Variants in PCNX1 observed in about 807,000 individuals in gnomAD.
PCNX1 encodes the protein pecanex 1.
PCNX1 carries 78 observed loss-of-function variants against 242.2 expected under a neutral mutation model. That is an observed-to-expected ratio of 0.32 (90% CI 0.27 to 0.39). The LOEUF (loss-of-function observed/expected upper bound fraction) is 0.39. Among genes scored for constraint, PCNX1 ranks in the 10% least tolerant of loss-of-function variants. PCNX1 has a pLI of 1.00. For missense variants in PCNX1, 2,581 were observed against 2,856.5 expected (o/e 0.90, Z 2.20); for synonymous variants, 1,024 against 1,032.9 (o/e 0.99, Z 0.17).
chr14:71,077,795 G>A lies in PCNX1; in HGVS notation c.5337+1376G>A, dbSNP rs140739531. Among the ~76,000 whole-genome samples the A allele has an allele frequency of 9.0e-3, 1,371 of 152,000 alleles. 14 individuals are homozygous for A. The highest frequency in any genetic ancestry group is 9.4e-3 in the African/African-American group (389 of 41,440). ...AAATAAAATACACTTAAAATACTTC[G>A]CGTACTGTTCTCAAATCCTTGAACT... On this transcript the variant is annotated intron_variant, in intron 28 of 35. Transcript: ENST00000304743.
chr14:71,102,628 A>G (rs1232135399), intron 31 of PCNX1, among the ~76,000 whole-genome samples: 1 of 152,136 alleles, frequency 6.6e-6, no homozygotes, highest in African/African-American at 2.4e-5. Flanking sequence ...TGATGACCAT[A>G]TTACATTTGT....
chr14:71,000,526 A>ATTTT (rs3083305), intron 8 of PCNX1, among the ~76,000 whole-genome samples: 27 of 126,696 alleles, frequency 2.1e-4, no homozygotes, highest in African/African-American at 8.1e-4. Flanking sequence ...CTGTCCCTTG[A>ATTTT]TTTTTTTTTT....
At chr14:70,999,417 T>G (rs1358647174) in intron 8 of PCNX1, among the ~76,000 whole-genome samples, 1 of 152,198 alleles carries the variant, frequency 6.6e-6, no homozygotes, top group Admixed American at 6.5e-5. Context: ...TTTGTCTTTA[T>G]GTGAAAAATT....
Position 70,978,606 on chromosome 14 carries a change from G to A in PCNX1, c.2269G>A (p.Val757Ile), listed in dbSNP as rs1377711678. The change falls in exon 6 of 36, where the codon GTT becomes ATT. Residue 757 changes from valine (V) to isoleucine (I), a missense_variant. By Grantham distance (29) the Val-to-Ile change is conservative. This residue lies in a region of PCNX1 where 1,204 missense variants were observed against 1,216.7 expected (regional missense o/e 0.99). Coordinates refer to ENST00000304743, the MANE Select transcript of PCNX1 (RefSeq NM_014982.3). Reference sequence around the variant, plus strand: ...ATCTAGGAATAGCTTGCCAAACCAGGTTGCATTTCCTGAAGGGGAAGAGCA... The same window carrying A: ...ATCTAGGAATAGCTTGCCAAACCAGATTGCATTTCCTGAAGGGGAAGAGCA... Reference protein sequence around the residue: ...TRSRNSLPNQVAFPEGEEQDA... With the variant: ...TRSRNSLPNQIAFPEGEEQDA... 1 of 1,613,792 alleles carries A rather than the reference G, an allele frequency of 6.2e-7. No homozygotes were observed. The highest frequency in any genetic ancestry group is 1.7e-5 in the Admixed American group (1 of 59,988).
intron 1 of PCNX1, among the ~76,000 whole-genome samples, chr14:70,911,620 C>T (rs2055912781): frequency 6.6e-6 from 1 of 151,994 alleles, no homozygotes; most frequent in Admixed American, 6.5e-5. Flanking sequence ...GAATTAGTGT[C>T]TTGATTTTTG....
chr14:71,103,352 T>C (rs990908978), intron 31 of PCNX1, 43 bp from the exon 32 acceptor site: 1 of 1,596,542 alleles, frequency 6.3e-7, no homozygotes, highest in Non-Finnish European at 8.6e-7. Context: ...GTGAATTTTA[T>C]TCTTGGCCCC....
intron 1 of PCNX1, among the ~76,000 whole-genome samples, chr14:70,914,660 C>T (rs1193450432): frequency 6.6e-6 from 1 of 152,220 alleles, no homozygotes; most frequent in South Asian, 2.1e-4. Flanking sequence ...GAAAATTGTA[C>T]CCACCACCTG....
intron 8 of PCNX1, among the ~76,000 whole-genome samples, chr14:71,007,628 A>G (rs1460933271): frequency 6.6e-6 from 1 of 152,202 alleles, no homozygotes; most frequent in Non-Finnish European, 1.5e-5. Context: ...ATAATTCTGC[A>G]TTTATGTAAT....
In PCNX1 at chr14:71,028,726, T is replaced by G; in HGVS notation, c.3493T>G (p.Tyr1165Asp). The change falls in exon 16 of 36, where the codon TAC (tyrosine) becomes GAC (aspartate). Residue 1165 changes from tyrosine (Y) to aspartate (D), a missense_variant. Tyr to Asp is a radical substitution (Grantham distance 160). This residue lies in a region of PCNX1 where 432 missense variants were observed against 443.1 expected (regional missense o/e 0.97). Transcript: ENST00000304743. Reference protein sequence around the residue: ...NATTSLLAALYSFICSIVAVA... With the variant: ...NATTSLLAALDSFICSIVAVA... The stretch of plus-strand genomic sequence containing the variant: ...CACTACAAGCCTGCTTGCAGCACTT[T>G]ACAGTTTTATCTGTAGCATTGTTGC... 1 of 1,608,234 alleles carries G rather than the reference T, an allele frequency of 6.2e-7. No individual in the cohort carries two copies. The highest frequency in any genetic ancestry group is 8.5e-7 in the Non-Finnish European group (1 of 1,177,134).
rs2061519974 is a variant in PCNX1, at chr14:71,068,761, A to G, written c.4853-4784A>G. ...CATTTATATATTTTATATACATTAT[A>G]TATTATGTATACTTCTACACATACA... On this transcript the variant is annotated intron_variant, in intron 26 of 35. Coordinates refer to ENST00000304743, the MANE Select transcript of PCNX1 (RefSeq NM_014982.3). Among the ~76,000 whole-genome samples, 2 of 129,294 alleles carry G rather than the reference A, an allele frequency of 1.5e-5. 1 individual carries two copies. The highest frequency in any genetic ancestry group is 6.9e-5 in the African/African-American group (2 of 28,908). The allele number at this position is 129,294 out of a possible 152,430, so 84.8% of individuals were successfully genotyped here. A position where few individuals can be genotyped will look rare whatever the true frequency, so the allele number is the denominator to read the frequency against.
chr14:71,035,842 G>A (rs2060514777), intron 18 of PCNX1, among the ~76,000 whole-genome samples: 1 of 152,180 alleles, frequency 6.6e-6, no homozygotes, highest in South Asian at 2.1e-4. Flanking sequence ...CCAGGAGGTG[G>A]AGGTTGCAGT....
At chr14:70,922,711 A>G (rs1365569259) in intron 1 of PCNX1, among the ~76,000 whole-genome samples, 3 of 149,554 alleles carry the variant, frequency 2.0e-5, no homozygotes, top group Non-Finnish European at 4.4e-5. Flanking sequence ...AGAGTAATCC[A>G]TTGTATAAAT....
At chr14:70,922,542 T>C (rs1396772316) in intron 1 of PCNX1, among the ~76,000 whole-genome samples, 1 of 152,146 alleles carries the variant, frequency 6.6e-6, no homozygotes, top group Non-Finnish European at 1.5e-5. Context: ...ACGCTACCAG[T>C]TCACATGCCT....
chr14:70,989,487 A>G (rs1668840310), intron 7 of PCNX1, among the ~76,000 whole-genome samples: 1 of 151,900 alleles, frequency 6.6e-6, no homozygotes, highest in African/African-American at 2.4e-5. Flanking sequence ...AATCTATCCA[A>G]AAGACTTGGG....
At chr14:71,031,601 T>C in intron 16 of PCNX1, 1 of 558,148 alleles carries the variant, frequency 1.8e-6, no homozygotes, top group Non-Finnish European at 3.3e-6. Flanking sequence ...TCCTGCACAA[T>C]AGACTTAGGC....
At chr14:71,085,223 T>C (rs866973133) in intron 28 of PCNX1, among the ~76,000 whole-genome samples, 2 of 152,198 alleles carry the variant, frequency 1.3e-5, no homozygotes, top group African/African-American at 4.8e-5. Context: ...CAGTTGGAAA[T>C]GCAGAAATCA....
At position 70,969,564 on chromosome 14, in the gene PCNX1, AAT is replaced by A. The variant is rs146379977; in HGVS notation, c.604+456_604+457del. Among the ~76,000 whole-genome samples the A allele has an allele frequency of 9.0e-3, 1,366 of 152,320 alleles. 10 individuals are homozygous for A. Among genetic ancestry groups the A allele is most frequent in the Non-Finnish European group, 0.012 (843 of 68,030 alleles). ...TAGTCCATGTGCATTGCTATAAAGA[AAT>A]ACCTGAGATTGGGTGCCTTGTACTT... On this transcript the variant is annotated intron_variant, in intron 5 of 35. Coordinates refer to ENST00000304743, the MANE Select transcript of PCNX1 (RefSeq NM_014982.3).
intron 12 of PCNX1, among the ~76,000 whole-genome samples, chr14:71,019,984 C>T (rs535546903): frequency 6.6e-5 from 10 of 152,024 alleles, no homozygotes; most frequent in African/African-American, 2.4e-4. Context: ...TCCTTGTGTC[C>T]ATGTGTTCTC....
At chr14:71,080,489 T>C (rs747300321) in intron 28 of PCNX1, among the ~76,000 whole-genome samples, 3 of 152,242 alleles carry the variant, frequency 2.0e-5, no homozygotes, top group Non-Finnish European at 4.4e-5. Flanking sequence ...ACAATATTGA[T>C]TCTTCCTATC....
Sources: allele counts gnomAD v4.1 joint callset (sites outside exome capture counted in the v4.1 genomes callset), GRCh38; gene constraint gnomAD v4.1.1; regional missense constraint gnomAD v4.1.1; transcripts MANE v1.5; gene names NCBI Gene and HGNC (gene_info 2026-07-23, HGNC 2026-07-21).